KAZN: variants seen among roughly 807,000 people sequenced by gnomAD.
KAZN encodes kazrin, periplakin interacting protein, also known as kazrin.
Under a neutral mutation model 87.4 loss-of-function variants are expected in KAZN, and 40 were observed. That is an observed-to-expected ratio of 0.46 (90% CI 0.36 to 0.60). KAZN has a LOEUF of 0.60. Ranked by LOEUF, KAZN falls within the 20% of genes least tolerant of loss-of-function variation. The pLI, the probability that KAZN is intolerant of heterozygous loss-of-function variation, is 0.00. For missense variants in KAZN, 898 were observed against 1,073.9 expected (o/e 0.84, Z 2.29); for synonymous variants, 466 against 458.3 (o/e 1.02, Z -0.22).
chr1:14,121,140 A>T (rs1557491763), intron 1 of KAZN, among the ~76,000 whole-genome samples: 1 of 152,162 alleles, frequency 6.6e-6, no homozygotes. Context: ...TGGATATTTG[A>T]GTTTGCTCAC....
intron 1 of KAZN, among the ~76,000 whole-genome samples, chr1:14,894,681 TC>T (rs762437155): frequency 3.3e-4 from 50 of 152,372 alleles, no homozygotes; most frequent in Middle Eastern, 3.4e-3. Flanking sequence ...GAGAATGGCA[TC>T]ATTCATCTCT....
intron 1 of KAZN, among the ~76,000 whole-genome samples, chr1:14,661,001 T>G (rs1639135582): frequency 6.6e-6 from 1 of 152,122 alleles, no homozygotes; most frequent in Admixed American, 6.5e-5. Context: ...ATAACGTCAC[T>G]GATTAAGAGG....
chr1:14,900,381 C>A (rs1655729371), intron 1 of KAZN, among the ~76,000 whole-genome samples: 1 of 152,146 alleles, frequency 6.6e-6, no homozygotes, highest in Non-Finnish European at 1.5e-5. Context: ...CAGTCAGTGC[C>A]TCCATTTCAC....
intron 2 of KAZN, among the ~76,000 whole-genome samples, chr1:14,283,382 C>T (rs1381631818): frequency 6.6e-6 from 1 of 152,100 alleles, no homozygotes; most frequent in African/African-American, 2.4e-5. Flanking sequence ...ATAGAAGAGG[C>T]TACTGACATG....
At chr1:14,642,387 GA>G (rs2148677658) in intron 1 of KAZN, among the ~76,000 whole-genome samples, 1 of 152,214 alleles carries the variant, frequency 6.6e-6, no homozygotes, top group South Asian at 2.1e-4. Flanking sequence ...GTGACAGAGT[GA>G]GACTCCATCT....
chr1:14,447,769 G>A (rs1183294846), intron 2 of KAZN, among the ~76,000 whole-genome samples: 1 of 152,038 alleles, frequency 6.6e-6, no homozygotes, highest in East Asian at 1.9e-4. Context: ...TCCTTTAGAT[G>A]CCCTGACTAC....
intron 1 of KAZN, among the ~76,000 whole-genome samples, chr1:14,879,820 AGT>A (rs1166349310): frequency 6.6e-6 from 1 of 152,206 alleles, no homozygotes; most frequent in Non-Finnish European, 1.5e-5. Context: ...TCATGGAGGT[AGT>A]GACCACCATC....
chr1:15,067,294 C>G (rs1021034330), intron 8 of KAZN: 1 of 985,394 alleles, frequency 1.0e-6, no homozygotes, highest in African/African-American at 1.7e-5. Context: ...GGACTCCGTC[C>G]CCCAACTTGT....
At chr1:14,374,077 C>T (rs559745753) in intron 2 of KAZN, among the ~76,000 whole-genome samples, 1 of 152,330 alleles carries the variant, frequency 6.6e-6, no homozygotes, top group African/African-American at 2.4e-5. Flanking sequence ...TAATTAGCTA[C>T]TCTCCTGCAA....
chr1:14,118,420 G>T (rs1644677396), intron 1 of KAZN, among the ~76,000 whole-genome samples: 1 of 152,124 alleles, frequency 6.6e-6, no homozygotes, highest in Non-Finnish European at 1.5e-5. Flanking sequence ...AGATAAGGTG[G>T]TTTGAAGACC....
chr1:14,141,265 A>C (rs1395482191), intron 1 of KAZN, among the ~76,000 whole-genome samples: 6 of 151,334 alleles, frequency 4.0e-5, no homozygotes, highest in African/African-American at 1.5e-4. Flanking sequence ...AAAACTAAAA[A>C]TAGCTGCTTG....
At chr1:14,217,740 G>C (rs1488915473) in intron 2 of KAZN, among the ~76,000 whole-genome samples, 1 of 152,002 alleles carries the variant, frequency 6.6e-6, no homozygotes, top group Admixed American at 6.6e-5. Context: ...AACACTGAGA[G>C]AAAGTTAATA....
At chr1:14,370,136 G>A (rs1011764157) in intron 2 of KAZN, among the ~76,000 whole-genome samples, 1 of 152,204 alleles carries the variant, frequency 6.6e-6, no homozygotes, top group Non-Finnish European at 1.5e-5. Context: ...GGTTTCCACA[G>A]AGGGTGGATG....
intron 2 of KAZN, among the ~76,000 whole-genome samples, chr1:14,539,050 T>A (rs1672661093): frequency 6.6e-6 from 1 of 152,210 alleles, no homozygotes. Flanking sequence ...ACTATACCAG[T>A]GCATATGGAT....
At chr1:14,576,130 A>G (rs1190908958) in intron 2 of KAZN, among the ~76,000 whole-genome samples, 1 of 152,232 alleles carries the variant, frequency 6.6e-6, no homozygotes, top group Non-Finnish European at 1.5e-5. Context: ...TGTGACTTGA[A>G]TAAGTCACTT....
intron 1 of KAZN, among the ~76,000 whole-genome samples, chr1:14,603,443 G>A (rs201571216): frequency 1.3e-5 from 2 of 152,104 alleles, no homozygotes; most frequent in African/African-American, 2.4e-5. Flanking sequence ...ATTGTCATGT[G>A]TGGTCACAAA....
At chr1:14,670,601 C>G (rs1466948861) in intron 1 of KAZN, among the ~76,000 whole-genome samples, 1 of 152,164 alleles carries the variant, frequency 6.6e-6, no homozygotes, top group Non-Finnish European at 1.5e-5. Flanking sequence ...TGGGGAGGGG[C>G]CTGGGCATCC....
chr1:14,299,689 C>A (rs191715445), intron 2 of KAZN, among the ~76,000 whole-genome samples: 1 of 152,198 alleles, frequency 6.6e-6, no homozygotes, highest in Non-Finnish European at 1.5e-5. Flanking sequence ...TACCTCCCAT[C>A]CTCCTTAGCT....
chr1:14,514,619 A>ATTT lies in KAZN; in HGVS notation c.250-84363_250-84362insTTT, dbSNP rs1557770559. Among the ~76,000 whole-genome samples, 411 of 52,950 alleles carry ATTT rather than the reference A, an allele frequency of 7.8e-3. 3 individuals carry two copies. Among genetic ancestry groups the ATTT allele is most frequent in the Admixed American group, 0.014 (55 of 3,862 alleles). The allele number at this position is 52,950 out of a possible 152,430, so 34.7% of individuals were successfully genotyped here. On this transcript the variant is annotated intron_variant, in intron 2 of 16. Transcript: ENST00000636203. Reference sequence around the variant, plus strand: ...TTTATATATATATATATATATATATATATATATATATATATATATATCTCA... The same window carrying ATTT: ...TTTATATATATATATATATATATATATTTTATATATATATATATATATATCTCA...
Sources: gnomAD v4.1 joint callset for allele counts (sites outside exome capture counted in the v4.1 genomes callset) on GRCh38, gnomAD v4.1.1 for gene constraint, MANE v1.5 for transcripts, NCBI Gene and HGNC (gene_info 2026-07-23, HGNC 2026-07-21) for gene names.